The following PIKFYVE variants were observed in gnomAD, a reference collection of about 807,000 sequenced individuals.
The protein encoded by PIKFYVE is phosphoinositide kinase, FYVE-type zinc finger containing, also known as 1-phosphatidylinositol 3-phosphate 5-kinase.
A neutral mutation model predicts 257.9 loss-of-function variants in PIKFYVE; 122 were observed. The ratio of observed to expected loss-of-function variants is 0.47; its 90% confidence interval spans 0.41 to 0.55. PIKFYVE has a LOEUF of 0.55. Among genes scored for constraint, PIKFYVE ranks in the 20% least tolerant of loss-of-function variants. The pLI is 0.00. For synonymous variants in PIKFYVE, 892 were observed against 868.9 expected (o/e 1.03, Z -0.47); for missense variants, 2,160 against 2,536.6 (o/e 0.85, Z 3.19).
intron 12 of PIKFYVE, chr2:208,305,418 T>C: frequency 9.4e-7 from 1 of 1,058,606 alleles, no homozygotes; most frequent in Non-Finnish European, 1.1e-6. Flanking sequence ...AATATTTCAC[T>C]AAACCCATTA....
intron 19 of PIKFYVE, 33 bp from the exon 20 acceptor site, chr2:208,325,237 C>A (rs773368379): frequency 6.2e-7 from 1 of 1,603,284 alleles, no homozygotes; most frequent in Non-Finnish European, 8.5e-7. Context: ...GCCACCTCCA[C>A]CATCTTAACT....
intron 1 of PIKFYVE, chr2:208,269,901 G>T: frequency 3.5e-6 from 1 of 285,962 alleles, no homozygotes; most frequent in South Asian, 4.8e-5. Context: ...TGGCTTGGCA[G>T]CACCTTTGGA....
At chr2:208,301,565 T>G (rs1359080660) in intron 9 of PIKFYVE, among the ~76,000 whole-genome samples, 1 of 152,228 alleles carries the variant, frequency 6.6e-6, no homozygotes, top group African/African-American at 2.4e-5. Flanking sequence ...TTTCTCAGAT[T>G]AGCTACTCCT....
intron 12 of PIKFYVE, among the ~76,000 whole-genome samples, chr2:208,310,657 A>T (rs1694840299): frequency 6.6e-6 from 1 of 152,164 alleles, no homozygotes; most frequent in African/African-American, 2.4e-5. Context: ...ACCATGAGAA[A>T]ACAATGGATT....
intron 5 of PIKFYVE, among the ~76,000 whole-genome samples, chr2:208,279,962 A>G (rs1690592256): frequency 6.6e-6 from 1 of 152,238 alleles, no homozygotes; most frequent in Non-Finnish European, 1.5e-5. Context: ...ATTGTAATCT[A>G]AGGCTACAGT....
At chr2:208,302,186 A>T in intron 9 of PIKFYVE, 56 bp from the exon 10 acceptor site, 2 of 1,429,506 alleles carry the variant, frequency 1.4e-6, no homozygotes, top group Non-Finnish European at 2.0e-6. Context: ...CTTATCTGGT[A>T]CTTAACTATT....
Position 208,326,008 on chromosome 2 carries a change from T to G in PIKFYVE, c.3197T>G (p.Phe1066Cys). 6.2e-7 allele frequency: 1 copy of G among 1,614,196 alleles called. No homozygotes were observed. The highest frequency in any genetic ancestry group is 8.5e-7 in the Non-Finnish European group (1 of 1,180,022). ...ISPVITFREP[F>C]LLTEKGMRCS... The stretch of plus-strand genomic sequence containing the variant: ...CCAGTAATCACATTCCGAGAACCCT[T>G]TCTTTTAACTGAAAAGGGGATGAGA... The change falls in exon 20 of 42, where the codon TTT (phenylalanine) becomes TGT (cysteine). Residue 1066 changes from phenylalanine (F) to cysteine (C), a missense_variant. This residue lies in a region of PIKFYVE where 522 missense variants were observed against 514.6 expected (regional missense o/e 1.01). Transcript: ENST00000264380.
chr2:208,353,870 A>C, intron 39 of PIKFYVE, 28 bp from the exon 40 acceptor site: 1 of 1,612,708 alleles, frequency 6.2e-7, no homozygotes, highest in Non-Finnish European at 8.5e-7. Context: ...ACCTGTACAT[A>C]AATGACAAAG....
At position 208,339,314 on chromosome 2, in the gene PIKFYVE, C is replaced by CT. The variant is rs1359606918; in HGVS notation, c.4673-103dup. 8 of 1,365,890 alleles carry CT rather than the reference C, an allele frequency of 5.9e-6. No individual in the cohort carries two copies. The East Asian group carries it at 1.8e-4, about 31-fold the overall frequency. 84.6% of individuals were successfully genotyped at this position (1,365,890 alleles called of 1,614,324 possible). A position where few individuals can be genotyped will look rare whatever the true frequency, so the allele number is the denominator to read the frequency against. On this transcript the variant is annotated intron_variant, in intron 29 of 41. Coordinates refer to ENST00000264380, the MANE Select transcript of PIKFYVE (RefSeq NM_015040.4). The stretch of plus-strand genomic sequence containing the variant: ...AGATGATTTTTAAAAAGTAAAAATT[C>CT]TACCTTTTAGGAAGTAGGCATATGA...
chr2:208,336,407 AGAG>A (rs1698144190), intron 27 of PIKFYVE, among the ~76,000 whole-genome samples: 1 of 152,188 alleles, frequency 6.6e-6, no homozygotes, highest in Non-Finnish European at 1.5e-5. Context: ...TAAAAACCAA[AGAG>A]GAGAACAGCC....
intron 7 of PIKFYVE, among the ~76,000 whole-genome samples, chr2:208,296,097 T>C (rs1692945284): frequency 6.6e-6 from 1 of 151,954 alleles, no homozygotes; most frequent in Non-Finnish European, 1.5e-5. Flanking sequence ...CTCTGCCTCC[T>C]AGGTTCAAGC....
chr2:208,300,435 G>T (rs78370885), intron 8 of PIKFYVE, among the ~76,000 whole-genome samples: 4,259 of 152,300 alleles, frequency 0.028, 185 homozygotes, highest in African/African-American at 0.096. Context: ...GGAAGGCAAT[G>T]AATTCTGTAC....
chr2:208,342,794 CTTTTTT>C, intron 32 of PIKFYVE, 145 bp downstream of exon 32: 10 of 378,998 alleles, frequency 2.6e-5, no homozygotes, highest in East Asian at 1.1e-4. Context: ...ATAGCTTGTT[CTTTTTT>C]TTTTTTTTTT....
chr2:208,271,757 A>G, intron 2 of PIKFYVE, 66 bp downstream of exon 2: 1 of 1,476,892 alleles, frequency 6.8e-7, no homozygotes, highest in South Asian at 1.1e-5. Flanking sequence ...CTTTGTCTCC[A>G]GTGGCTCACC....
rs1700154655 is a variant in PIKFYVE at position 208,356,266 on chromosome 2, A to G, written c.*961A>G. 6.6e-6 allele frequency: 1 copy of G among 152,222 alleles called. No homozygotes were observed. The highest frequency in any genetic ancestry group is 1.5e-5 in the Non-Finnish European group (1 of 68,036). The allele number at this position is 152,222 out of a possible 1,614,324, so 9.4% of individuals were successfully genotyped here. ...AAAGTGTCTTTTCAATATAACCAGCAATTTAGGTGGCATCTATAAAATAAA... is the reference window on the plus strand; with the variant it reads ...AAAGTGTCTTTTCAATATAACCAGCGATTTAGGTGGCATCTATAAAATAAA... On this transcript the variant is annotated 3_prime_UTR_variant, in exon 42 of 42. Transcript: ENST00000264380.
chr2:208,302,199 G>T, intron 9 of PIKFYVE, 43 bp from the exon 10 acceptor site: 1 of 1,552,348 alleles, frequency 6.4e-7, no homozygotes, highest in South Asian at 1.1e-5. Flanking sequence ...TAACTATTCT[G>T]ACTGACTTTT....
At chr2:208,330,824 T>C in intron 23 of PIKFYVE, 130 bp downstream of exon 23, 2 of 922,610 alleles carry the variant, frequency 2.2e-6, no homozygotes, top group Non-Finnish European at 3.2e-6. Flanking sequence ...TTTGTCATTG[T>C]TATTTTACCT....
At chr2:208,318,210 C>T (rs941906876) in intron 16 of PIKFYVE, among the ~76,000 whole-genome samples, 1 of 152,154 alleles carries the variant, frequency 6.6e-6, no homozygotes, top group Non-Finnish European at 1.5e-5. Context: ...AAGATACTGG[C>T]ATTATTTATC....
At chr2:208,324,875 T>G in intron 18 of PIKFYVE, 36 bp from the exon 19 acceptor site, 1 of 1,605,188 alleles carries the variant, frequency 6.2e-7, no homozygotes, top group Non-Finnish European at 8.5e-7. Flanking sequence ...TTTATTCTTC[T>G]CTAGTTTTGT....
Sources: gnomAD v4.1 joint callset for allele counts (sites outside exome capture counted in the v4.1 genomes callset) on GRCh38, gnomAD v4.1.1 for gene constraint, gnomAD v4.1.1 regional missense constraint, MANE v1.5 for transcripts, NCBI Gene and HGNC (gene_info 2026-07-23, HGNC 2026-07-21) for gene names.